Variants in CNTNAP2 observed in about 807,000 individuals in gnomAD.
The protein encoded by CNTNAP2 is contactin associated protein 2, also known as contactin-associated protein-like 2.
A neutral mutation model predicts 155.2 loss-of-function variants in CNTNAP2; 98 were observed. The ratio of observed to expected loss-of-function variants is 0.63; its 90% CI spans 0.54 to 0.75. The LOEUF (loss-of-function observed/expected upper bound fraction) is 0.75. CNTNAP2 is among the 30% of genes least tolerant of loss of function. The probability of loss-of-function intolerance (pLI) is 0.00; values close to 1 mark genes in which losing one functional copy is unlikely to be tolerated. For missense variants in CNTNAP2, 1,727 were observed against 1,688.1 expected (o/e 1.02, Z -0.40); for synonymous variants, 651 against 631.2 (o/e 1.03, Z -0.47).
intron 3 of CNTNAP2, among the ~76,000 whole-genome samples, chr7:146,989,772 G>A (rs766075545): frequency 4.6e-5 from 7 of 151,938 alleles, no homozygotes; most frequent in South Asian, 2.1e-4. Context: ...TAATTAGCCC[G>A]TTTAGTAACT....
At chr7:147,149,573 A>G (rs1801783342) in intron 8 of CNTNAP2, among the ~76,000 whole-genome samples, 1 of 152,234 alleles carries the variant, frequency 6.6e-6, no homozygotes, top group African/African-American at 2.4e-5. Context: ...AGCCCACTGG[A>G]GGATTTCTTT....
At chr7:147,011,444 A>AAAAAG (rs1554424732) in intron 3 of CNTNAP2, among the ~76,000 whole-genome samples, 1 of 127,710 alleles carries the variant, frequency 7.8e-6, no homozygotes, top group Non-Finnish European at 1.7e-5. Context: ...AAAAAAAAAA[A>AAAAAG]GGAACAAGGT....
chr7:148,177,477 C>G (rs1453520089), intron 18 of CNTNAP2, among the ~76,000 whole-genome samples: 1 of 152,192 alleles, frequency 6.6e-6, no homozygotes, highest in Non-Finnish European at 1.5e-5. Context: ...GAACACCTTG[C>G]TTTCAGACTT....
intron 1 of CNTNAP2, among the ~76,000 whole-genome samples, chr7:146,191,245 A>G (rs893532961): frequency 5.3e-5 from 8 of 152,124 alleles, no homozygotes; most frequent in Non-Finnish European, 1.2e-4. Context: ...GGGGGACATC[A>G]TATGTCGGCA....
chr7:148,239,834 C>T (rs1371095629), intron 20 of CNTNAP2, among the ~76,000 whole-genome samples: 3 of 152,092 alleles, frequency 2.0e-5, no homozygotes, highest in Non-Finnish European at 4.4e-5. Flanking sequence ...GTGGTGGAGG[C>T]GTGTGGTGAA....
intron 1 of CNTNAP2, among the ~76,000 whole-genome samples, chr7:146,304,192 C>A (rs546169117): frequency 1.3e-5 from 2 of 150,316 alleles, no homozygotes; most frequent in East Asian, 3.9e-4. Flanking sequence ...CTCCTGAATA[C>A]AACACACTGA....
rs1338761197 is a variant in CNTNAP2 at position 146,852,598 on chromosome 7, A to T, written c.402+12694A>T. Among the ~76,000 whole-genome samples the T allele has an allele frequency of 2.6e-5, 4 of 152,286 alleles. No individual in the cohort carries two copies. In the East Asian group the frequency reaches 7.7e-4, roughly 29 times the overall value. On this transcript the variant is annotated intron_variant, in intron 3 of 23. Transcript: ENST00000361727. Reference sequence around the variant, plus strand: ...AACATCATGTAATTCTTTGAGATATAGTAATTATTTATTAAAAACTGGATT... The same window carrying T: ...AACATCATGTAATTCTTTGAGATATTGTAATTATTTATTAAAAACTGGATT...
intron 15 of CNTNAP2, among the ~76,000 whole-genome samples, chr7:148,064,161 T>C (rs1466834774): frequency 6.6e-6 from 1 of 152,154 alleles, no homozygotes; most frequent in Non-Finnish European, 1.5e-5. Context: ...AGTCACGTAA[T>C]GTAATGCCTC....
At chr7:147,647,429 A>G (rs572602808) in intron 13 of CNTNAP2, among the ~76,000 whole-genome samples, 2 of 152,330 alleles carry the variant, frequency 1.3e-5, no homozygotes, top group African/African-American at 4.8e-5. Flanking sequence ...ATAAAAAATA[A>G]AAATACTGGT....
At chr7:147,257,745 C>T (rs1362981537) in intron 8 of CNTNAP2, among the ~76,000 whole-genome samples, 1 of 152,148 alleles carries the variant, frequency 6.6e-6, no homozygotes, top group Non-Finnish European at 1.5e-5. Context: ...GATCTTTTCA[C>T]ATGGAGGGTG....
chr7:146,666,223 C>T (rs1228234072), intron 1 of CNTNAP2, among the ~76,000 whole-genome samples: 3 of 151,888 alleles, frequency 2.0e-5, no homozygotes, highest in Non-Finnish European at 2.9e-5. Context: ...TTTTAGCATC[C>T]ATATTTGAGT....
intron 8 of CNTNAP2, among the ~76,000 whole-genome samples, chr7:147,239,178 A>G (rs1278875282): frequency 6.6e-6 from 1 of 152,022 alleles, no homozygotes; most frequent in East Asian, 1.9e-4. Flanking sequence ...AAACATTGCA[A>G]AAGTGTTTTT....
rs1328437272 is a variant in CNTNAP2 at position 148,295,649 on chromosome 7, G to A, written c.3475+28523G>A. 1.6e-3 allele frequency among the ~76,000 whole-genome samples: 231 copies of A among 141,386 alleles called. 7 individuals carry two copies. The highest frequency in any genetic ancestry group is 6.0e-3 in the African/African-American group (216 of 35,978). The allele number at this position is 141,386 out of a possible 152,430, so 92.8% of individuals were successfully genotyped here. A position where few individuals can be genotyped will look rare whatever the true frequency, so the allele number is the denominator to read the frequency against. On this transcript the variant is annotated intron_variant, in intron 21 of 23. Transcript: ENST00000361727. ...TGGGACTACCGGTGCCCGCCACCGC[G>A]CCTGGCTAATTTTTTGTATTTTTAG...
At chr7:148,015,003 T>G (rs941995484) in intron 15 of CNTNAP2, among the ~76,000 whole-genome samples, 2 of 152,216 alleles carry the variant, frequency 1.3e-5, no homozygotes, top group African/African-American at 2.4e-5. Context: ...TGTTATTATT[T>G]ATGATTGTTG....
At chr7:147,783,598 C>T (rs936475863) in intron 13 of CNTNAP2, among the ~76,000 whole-genome samples, 12 of 152,236 alleles carry the variant, frequency 7.9e-5, no homozygotes, top group African/African-American at 2.6e-4. Flanking sequence ...CCACAAGTTT[C>T]GTTTATTGCT....
At chr7:146,269,865 A>G (rs1489957889) in intron 1 of CNTNAP2, among the ~76,000 whole-genome samples, 4 of 152,254 alleles carry the variant, frequency 2.6e-5, no homozygotes, top group Non-Finnish European at 5.9e-5. Context: ...CTGGCCAACC[A>G]TGACAGCAGA....
chr7:147,850,398 C>A (rs1325240410), intron 13 of CNTNAP2, among the ~76,000 whole-genome samples: 1 of 152,166 alleles, frequency 6.6e-6, no homozygotes, highest in Non-Finnish European at 1.5e-5. Flanking sequence ...ACTTTCTTCA[C>A]AGAATTGGAA....
intron 1 of CNTNAP2, among the ~76,000 whole-genome samples, chr7:146,438,933 ATCATT>A (rs748953822): frequency 6.6e-6 from 1 of 151,538 alleles, no homozygotes; most frequent in Non-Finnish European, 1.5e-5. Context: ...TGCCTCTAAA[ATCATT>A]TCTATTCTTC....
At chr7:147,951,591 A>C (rs1800930916) in intron 14 of CNTNAP2, among the ~76,000 whole-genome samples, 1 of 152,236 alleles carries the variant, frequency 6.6e-6, no homozygotes, top group African/African-American at 2.4e-5. Context: ...ATTCAAAATA[A>C]GAATTCTAAT....
Sources: gnomAD v4.1 joint callset for allele counts (sites outside exome capture counted in the v4.1 genomes callset) on GRCh38, gnomAD v4.1.1 for gene constraint, MANE v1.5 for transcripts, NCBI Gene and HGNC (gene_info 2026-07-23, HGNC 2026-07-21) for gene names.